The following LPCAT1 variants were observed in gnomAD, a reference collection of about 807,000 sequenced individuals.
The protein encoded by LPCAT1 is lysophosphatidylcholine acyltransferase 1.
Under a neutral mutation model 60.9 loss-of-function variants are expected in LPCAT1, and 23 were observed. The observed-to-expected ratio is 0.38, with a 90% confidence interval of 0.27 to 0.53. LPCAT1 has a LOEUF of 0.53. Among genes scored for constraint, LPCAT1 ranks in the 20% least tolerant of loss-of-function variants. The pLI is 0.82. For missense variants in LPCAT1, 622 were observed against 723.6 expected, an observed-to-expected ratio of 0.86 and a Z score of 1.61; for synonymous variants, 340 against 301.1, an observed-to-expected ratio of 1.13 and a Z score of -1.34.
chr5:1,471,665 G>A (rs1030773195), intron 11 of LPCAT1, among the ~76,000 whole-genome samples: 2 of 151,984 alleles, frequency 1.3e-5, no homozygotes, highest in Admixed American at 6.5e-5. Context: ...CCTGGTCAGA[G>A]AGCAGGAGGA....
chr5:1,465,778 A>ACTAAAC (rs76747541), intron 13 of LPCAT1, among the ~76,000 whole-genome samples: 4,377 of 151,948 alleles, frequency 0.029, 209 homozygotes, highest in African/African-American at 0.1. Context: ...ACACACGGTA[A>ACTAAAC]ACATGCACAC....
In LPCAT1 at chr5:1,465,270, GCACA is replaced by G. The variant is rs138176171; in HGVS notation, c.1421-1439_1421-1436del. ...ACAGCAACTAAACACACATGCCCATGCACACACACACACGCACGGTACTAAACAC... is the reference window on the plus strand; with the variant it reads ...ACAGCAACTAAACACACATGCCCATGCACACACACGCACGGTACTAAACAC... On this transcript the variant is annotated intron_variant, in intron 13 of 13. Transcript: ENST00000283415. Among the ~76,000 whole-genome samples, 435 of 131,546 alleles carry G rather than the reference GCACA, an allele frequency of 3.3e-3. 1 individual carries two copies. Among genetic ancestry groups the G allele is most frequent in the African/African-American group, 0.011 (381 of 33,816 alleles). The allele number at this position is 131,546 out of a possible 152,430, so 86.3% of individuals were successfully genotyped here.
chr5:1,503,320 C>T (rs1579804435), intron 1 of LPCAT1, among the ~76,000 whole-genome samples: 1 of 152,030 alleles, frequency 6.6e-6, no homozygotes, highest in African/African-American at 2.4e-5. Flanking sequence ...ATTCAGCAAA[C>T]GTTCTTTACT....
At chr5:1,519,474 G>A (rs534697829) in intron 1 of LPCAT1, among the ~76,000 whole-genome samples, 3 of 152,354 alleles carry the variant, frequency 2.0e-5, no homozygotes, top group Middle Eastern at 3.4e-3. Context: ...TTTCACGAGT[G>A]CGTCATTCGG....
Position 1,522,546 on chromosome 5 carries a change from T to C in LPCAT1, c.135+1164A>G, listed in dbSNP as rs1026506965. ...CACCATCGGGCTCTCCTGCTCCCCG[T>C]CCCCTTCCATACCCTGAGGACCAGC... On this transcript the variant is annotated intron_variant, in intron 1 of 13. Coordinates refer to ENST00000283415, the MANE Select transcript of LPCAT1 (RefSeq NM_024830.5). The surrounding 1 kb of genome is among the most constrained non-coding windows in gnomAD (Gnocchi z 6.8). 6.6e-6 allele frequency among the ~76,000 whole-genome samples: 1 copy of C among 152,102 alleles called. No homozygotes were observed. Among genetic ancestry groups the C allele is most frequent in the Non-Finnish European group, 1.5e-5 (1 of 68,002 alleles).
rs2126633804 is a variant in LPCAT1, at chr5:1,523,872, C to A, written c.-28G>T. 1 of 1,039,510 alleles carries A rather than the reference C, an allele frequency of 9.6e-7. No homozygotes were observed. Among genetic ancestry groups the A allele is most frequent in the South Asian group, 4.4e-5 (1 of 22,614 alleles). The allele number at this position is 1,039,510 out of a possible 1,614,324, so 64.4% of individuals were successfully genotyped here. A position where few individuals can be genotyped will look rare whatever the true frequency, so the allele number is the denominator to read the frequency against. On this transcript the variant is annotated 5_prime_UTR_variant, in exon 1 of 14. Transcript: ENST00000283415. This position sits in a 1 kb window ranked among gnomAD's most constrained non-coding sequence, Gnocchi z 7.1. ...CCGCGCCGTCCCGCGGCGAGCGCAGCCGAGCTGCCTGGGGCGCCGAGCGGG... is the reference window on the plus strand; with the variant it reads ...CCGCGCCGTCCCGCGGCGAGCGCAGACGAGCTGCCTGGGGCGCCGAGCGGG...
Position 1,523,059 on chromosome 5 carries a change from A to C in LPCAT1, c.135+651T>G, listed in dbSNP as rs1376933183. Among the ~76,000 whole-genome samples, 3 of 152,186 alleles carry C rather than the reference A, an allele frequency of 2.0e-5. No homozygotes were observed. Among genetic ancestry groups the C allele is most frequent in the African/African-American group, 7.2e-5 (3 of 41,466 alleles). Reference sequence around the variant, plus strand: ...CAGCCCCGAGAAAGCATCCCTTACAACAGGAGCGAAGCATGCACCCCAGAA... The same window carrying C: ...CAGCCCCGAGAAAGCATCCCTTACACCAGGAGCGAAGCATGCACCCCAGAA... On this transcript the variant is annotated intron_variant, in intron 1 of 13. Transcript: ENST00000283415. This position sits in a 1 kb window ranked among gnomAD's most constrained non-coding sequence, Gnocchi z 7.1.
At chr5:1,464,952 G>GTA (rs1183600934) in intron 13 of LPCAT1, among the ~76,000 whole-genome samples, 21 of 144,742 alleles carry the variant, frequency 1.5e-4, no homozygotes, top group African/African-American at 3.6e-4. Context: ...CACACACATG[G>GTA]TAACTACACA....
intron 10 of LPCAT1, 75 bp from the exon 11 acceptor site, chr5:1,474,185 C>G: frequency 6.9e-7 from 1 of 1,451,846 alleles, no homozygotes; most frequent in Non-Finnish European, 9.4e-7. Context: ...ACTTCTAAGA[C>G]TCATCAAAAT....
chr5:1,494,961 G>A (rs767008755), intron 2 of LPCAT1, 47 bp from the exon 3 acceptor site: 31 of 1,521,508 alleles, frequency 2.0e-5, no homozygotes, highest in Non-Finnish European at 2.5e-5. Flanking sequence ...CCGCAGTCTC[G>A]GAGTCTGTGT....
chr5:1,507,014 C>G (rs1736206792), intron 1 of LPCAT1, among the ~76,000 whole-genome samples: 1 of 152,180 alleles, frequency 6.6e-6, no homozygotes. Flanking sequence ...AAGTCGTGGA[C>G]AGGGATAAGC....
At chr5:1,479,550 C>A in intron 8 of LPCAT1, 71 bp downstream of exon 8, 1 of 1,099,400 alleles carries the variant, frequency 9.1e-7, no homozygotes, top group South Asian at 1.2e-5. Context: ...CTTATCTGGG[C>A]ATCCTGGTGT....
intron 5 of LPCAT1, among the ~76,000 whole-genome samples, chr5:1,484,034 T>C (rs1254404784): frequency 3.3e-5 from 5 of 152,220 alleles, no homozygotes. Context: ...ACCAAGCACA[T>C]ACACCTGCCT....
At position 1,521,425 on chromosome 5, in the gene LPCAT1, C is replaced by T; in HGVS notation, c.135+2285G>A. On this transcript the variant is annotated intron_variant, in intron 1 of 13. Coordinates refer to ENST00000283415, the MANE Select transcript of LPCAT1 (RefSeq NM_024830.5). The surrounding 1 kb of genome is among the most constrained non-coding windows in gnomAD (Gnocchi z 4.3). ...CAGCCACTACTGGACCCATTTCTTTCTTTGGGGAAGAAGGCTTTCTTGGCT... is the reference window on the plus strand; with the variant it reads ...CAGCCACTACTGGACCCATTTCTTTTTTTGGGGAAGAAGGCTTTCTTGGCT... 1.0e-6 allele frequency: 1 copy of T among 985,400 alleles called. No homozygotes were observed. Among genetic ancestry groups the T allele is most frequent in the Non-Finnish European group, 1.2e-6 (1 of 829,890 alleles). The allele number at this position is 985,400 out of a possible 1,614,324, so 61.0% of individuals were successfully genotyped here.
Position 1,483,459 on chromosome 5 carries a change from T to C in LPCAT1, c.695A>G (p.Gln232Arg). Residue 232 changes from glutamine (Q) to arginine (R), a missense_variant, in exon 6 of 14, where the codon CAG becomes CGG. Transcript: ENST00000283415. The surrounding 1 kb of genome is among the most constrained non-coding windows in gnomAD (Gnocchi z 9.2). Reference sequence around the variant, plus strand: ...ATTTGGATATCGTAAAACCACAGGCTGGACGGGCGCTCCAGGGATGAATGC... The same window carrying C: ...ATTTGGATATCGTAAAACCACAGGCCGGACGGGCGCTCCAGGGATGAATGC... ...PGAFIPGAPV[Q>R]PVVLRYPNKL... 6.2e-7 allele frequency: 1 copy of C among 1,613,744 alleles called. No homozygotes were observed. The highest frequency in any genetic ancestry group is 8.5e-7 in the Non-Finnish European group (1 of 1,180,030).
At chr5:1,485,136 T>C (rs1327848716) in intron 5 of LPCAT1, among the ~76,000 whole-genome samples, 1 of 152,076 alleles carries the variant, frequency 6.6e-6, no homozygotes, top group Non-Finnish European at 1.5e-5. Flanking sequence ...CAGCCGACCA[T>C]CCCGACCATG....
rs1174565625 is a variant in LPCAT1 at position 1,462,425 on chromosome 5, C to T, written c.*1226G>A. The stretch of plus-strand genomic sequence containing the variant: ...TTTGACTCTAAGATGGGGCAGGACC[C>T]CCGCTCTCAGTGGGATGTGCCCGCG... On this transcript the variant is annotated 3_prime_UTR_variant, in exon 14 of 14. Transcript: ENST00000283415. The T allele has an allele frequency of 6.6e-6, 1 of 152,396 alleles. No homozygotes were observed. Among genetic ancestry groups the T allele is most frequent in the Non-Finnish European group, 1.5e-5 (1 of 68,052 alleles). 9.4% of individuals were successfully genotyped at this position (152,396 alleles called of 1,614,324 possible). A position where few individuals can be genotyped will look rare whatever the true frequency, so the allele number is the denominator to read the frequency against.
Position 1,502,625 on chromosome 5 carries a change from G to A in LPCAT1, c.136-1022C>T, listed in dbSNP as rs948489541. 1.3e-5 allele frequency among the ~76,000 whole-genome samples: 2 copies of A among 152,178 alleles called. No homozygotes were observed. The highest frequency in any genetic ancestry group is 2.4e-5 in the African/African-American group (1 of 41,444). ...AGGATGGAGGTCCCTCCGGGAGGCG[G>A]GCAGGACTCCGTGTAGAGGGGCGGG... On this transcript the variant is annotated intron_variant, in intron 1 of 13. Coordinates refer to ENST00000283415, the MANE Select transcript of LPCAT1 (RefSeq NM_024830.5). The surrounding 1 kb of genome is among the most constrained non-coding windows in gnomAD (Gnocchi z 5.5).
chr5:1,522,934 C>T lies in LPCAT1; in HGVS notation c.135+776G>A, dbSNP rs1286916058. Among the ~76,000 whole-genome samples the T allele has an allele frequency of 2.6e-5, 4 of 152,154 alleles. No individual in the cohort carries two copies. Among genetic ancestry groups the T allele is most frequent in the African/African-American group, 4.8e-5 (2 of 41,426 alleles). ...AGCGAGCGGCCCCCTCCCCACGACG[C>T]CCCCGGGTCTCCCCTCACCACTGTC... On this transcript the variant is annotated intron_variant, in intron 1 of 13. Coordinates refer to ENST00000283415, the MANE Select transcript of LPCAT1 (RefSeq NM_024830.5). The surrounding 1 kb of genome is among the most constrained non-coding windows in gnomAD (Gnocchi z 6.8).
Sources: allele counts gnomAD v4.1 joint callset (sites outside exome capture counted in the v4.1 genomes callset), GRCh38; gene constraint gnomAD v4.1.1; non-coding constraint Gnocchi (gnomAD v3.1); transcripts MANE v1.5; gene names NCBI Gene and HGNC (gene_info 2026-07-23, HGNC 2026-07-21).